Variants in CCDC39 observed in about 807,000 individuals in gnomAD.
The protein encoded by CCDC39 is coiled-coil domain 39 molecular ruler complex subunit.
In CCDC39, 113 loss-of-function variants were observed where a neutral mutation model predicts 121.0. The observed-to-expected ratio is 0.93, with a 90% CI of 0.80 to 1.09. CCDC39 has a LOEUF of 1.09. Among genes scored for constraint, CCDC39 ranks in the 50% least tolerant of loss-of-function variants. CCDC39 has a pLI of 0.00. For missense variants in CCDC39, 1,063 were observed against 1,074.7 expected, an observed-to-expected ratio of 0.99 and a Z score of 0.15; for synonymous variants, 349 against 352.2, an observed-to-expected ratio of 0.99 and a Z score of 0.10.
intron 1 of CCDC39, among the ~76,000 whole-genome samples, chr3:180,670,875 G>A (rs531509126): frequency 1.2e-3 from 176 of 152,112 alleles, no homozygotes; most frequent in African/African-American, 3.8e-3. Flanking sequence ...GCTTGCCAGC[G>A]TCCCATGTCA....
intron 1 of CCDC39, among the ~76,000 whole-genome samples, chr3:180,669,026 C>T (rs1711961452): frequency 6.6e-6 from 1 of 152,182 alleles, no homozygotes; most frequent in Non-Finnish European, 1.5e-5. Flanking sequence ...ATTTGTAATG[C>T]ACATGAAATG....
intron 12 of CCDC39, among the ~76,000 whole-genome samples, chr3:180,643,163 G>C (rs147787670): frequency 0.15 from 22,529 of 151,842 alleles, 1,841 homozygotes; most frequent in Admixed American, 0.18. Flanking sequence ...GTTTCACCAT[G>C]TTAGCCAGGA....
In CCDC39 at chr3:180,677,206, A is replaced by G. The variant is rs1463251455; in HGVS notation, c.90+2085T>C. Among the ~76,000 whole-genome samples, 2 of 111,670 alleles carry G rather than the reference A, an allele frequency of 1.8e-5. 1 individual carries two copies. The highest frequency in any genetic ancestry group is 6.5e-5 in the African/African-American group (2 of 30,740). The allele number at this position is 111,670 out of a possible 152,430, so 73.3% of individuals were successfully genotyped here. The stretch of plus-strand genomic sequence containing the variant: ...TATATATATATATATATATATATAT[A>G]TATATATATAAAATCACAGTACTAT... On this transcript the variant is annotated intron_variant, in intron 1 of 19. Transcript: ENST00000476379.
At chr3:180,651,607 C>T (rs1481691832) in intron 8 of CCDC39, 74 bp from the exon 9 acceptor site, 3 of 1,345,106 alleles carry the variant, frequency 2.2e-6, no homozygotes, top group Non-Finnish European at 3.0e-6. Flanking sequence ...AATAGTTTAT[C>T]CTAATATTTA....
chr3:180,639,094 A>G (rs980288366), intron 13 of CCDC39, among the ~76,000 whole-genome samples: 1 of 152,172 alleles, frequency 6.6e-6, no homozygotes, highest in African/African-American at 2.4e-5. Context: ...GAGTAAACAC[A>G]TGCAATGGAA....
chr3:180,619,668 G>C, intron 15 of CCDC39, 143 bp downstream of exon 15: 2 of 579,358 alleles, frequency 3.5e-6, no homozygotes, highest in Non-Finnish European at 5.8e-6. Flanking sequence ...AAAATGTCGT[G>C]GGGGGAGGAA....
In CCDC39 at chr3:180,642,055, C is replaced by G; in HGVS notation, c.1812G>C (p.Lys604Asn). The change falls in exon 13 of 20, where the codon AAG becomes AAC. Residue 604 changes from lysine to asparagine, a missense_variant. Transcript: ENST00000476379. The stretch of plus-strand genomic sequence containing the variant: ...GTGACGCAAGCATTGTTTTATGAAC[C>G]TTGATTTCTTCAGTTCGCTCTTCCA... ...TAMEERTEEI[K>N]VHKTMLASQI... 1 of 1,610,250 alleles carries G rather than the reference C, an allele frequency of 6.2e-7. No individual in the cohort carries two copies. The highest frequency in any genetic ancestry group is 8.5e-7 in the Non-Finnish European group (1 of 1,177,944).
At chr3:180,664,098 A>C (rs1161263869) in intron 1 of CCDC39, 112 bp from the exon 2 acceptor site, 2 of 905,672 alleles carry the variant, frequency 2.2e-6, no homozygotes, top group Non-Finnish European at 3.3e-6. Context: ...GTCAATTTGG[A>C]CTGCTATAAC....
Position 180,661,924 on chromosome 3 carries a change from T to C in CCDC39, c.294A>G (p.Lys98=), listed in dbSNP as rs975431618. 6.9e-6 allele frequency: 11 copies of C among 1,582,902 alleles called. No homozygotes were observed. Among genetic ancestry groups the C allele is most frequent in the African/African-American group, 2.7e-5 (2 of 74,528 alleles). ...AIAQRELGRV[K]DEIQRLENEM... is the part of the protein sequence containing the mutation. ...CATTTTCCAGCCGTTGAATTTCATC[T>C]TTCACTCGTCCCAATTCTCTTTGAG... Residue 98 remains lysine (K), a synonymous_variant, in exon 3 of 20, where the codon AAA becomes AAG. Transcript: ENST00000476379.
chr3:180,640,264 T>A (rs759698525), intron 13 of CCDC39, among the ~76,000 whole-genome samples: 6 of 152,070 alleles, frequency 3.9e-5, no homozygotes, highest in Non-Finnish European at 7.4e-5. Context: ...CTATGACAAT[T>A]GAAAGACAGG....
intron 1 of CCDC39, among the ~76,000 whole-genome samples, chr3:180,674,147 AT>A (rs1338759416): frequency 1.3e-5 from 2 of 151,860 alleles, no homozygotes; most frequent in Admixed American, 6.6e-5. Context: ...GTCCTCTTTT[AT>A]TTTGTTGAGC....
At chr3:180,652,309 A>G (rs548361326) in intron 7 of CCDC39, 43 bp from the exon 8 acceptor site, 6 of 1,136,460 alleles carry the variant, frequency 5.3e-6, no homozygotes, top group Admixed American at 6.0e-5. Flanking sequence ...TTTACTCTGT[A>G]TCTTATAACT....
At position 180,652,156 on chromosome 3, in the gene CCDC39, T is replaced by A. The variant is rs191242640; in HGVS notation, c.1034+7A>T. 13 of 1,414,194 alleles carry A rather than the reference T, an allele frequency of 9.2e-6. No homozygotes were observed. Among genetic ancestry groups the A allele is most frequent in the Middle Eastern group, 2.1e-4 (1 of 4,706 alleles). 87.6% of individuals were successfully genotyped at this position (1,414,194 alleles called of 1,614,324 possible). ...TCATAAACATATTTAGATAGTTTTT[T>A]TCTTACCTTGCTGTTTCTTCATGAA... On this transcript the variant is annotated splice_region_variant and intron_variant, in intron 8 of 19. Transcript: ENST00000476379.
intron 13 of CCDC39, among the ~76,000 whole-genome samples, chr3:180,640,034 A>G (rs974366147): frequency 1.3e-5 from 2 of 152,104 alleles, no homozygotes; most frequent in African/African-American, 4.8e-5. Flanking sequence ...ATGGATGAAA[A>G]GGAGATCAGT....
At chr3:180,664,809 G>T (rs1711832844) in intron 1 of CCDC39, among the ~76,000 whole-genome samples, 1 of 150,724 alleles carries the variant, frequency 6.6e-6, no homozygotes, top group African/African-American at 2.4e-5. Context: ...AGATTCTGCT[G>T]TCTCAGCCTC....
intron 14 of CCDC39, among the ~76,000 whole-genome samples, chr3:180,625,837 G>A (rs563398917): frequency 6.6e-6 from 1 of 151,770 alleles, no homozygotes; most frequent in South Asian, 2.1e-4. Flanking sequence ...AGGATGCCAG[G>A]TAAGCCTGTC....
In CCDC39 at chr3:180,627,028, A is replaced by G. The variant is rs1441916526; in HGVS notation, c.1998+4441T>C. On this transcript the variant is annotated intron_variant, in intron 14 of 19. Transcript: ENST00000476379. The stretch of plus-strand genomic sequence containing the variant: ...GGTTTTTCCCAGCAGTGAAAATGCT[A>G]TGGGCCCATGGCCAGAGAGGTTGTG... 4.6e-5 allele frequency among the ~76,000 whole-genome samples: 7 copies of G among 152,092 alleles called. No homozygotes were observed. The East Asian group carries it at 9.7e-4, about 21-fold the overall frequency.
At chr3:180,677,166 T>TA (rs1491509044) in intron 1 of CCDC39, among the ~76,000 whole-genome samples, 1 of 40,920 alleles carries the variant, frequency 2.4e-5, no homozygotes, top group African/African-American at 1.2e-4. Context: ...ATAATAATAA[T>TA]TTTATATATA....
intron 2 of CCDC39, among the ~76,000 whole-genome samples, chr3:180,662,395 A>G (rs147892612): frequency 0.014 from 2,129 of 152,282 alleles, 23 homozygotes; most frequent in African/African-American, 0.031. Flanking sequence ...TCTAATTAAC[A>G]GACATTATTT....
Sources: gnomAD v4.1 joint callset for allele counts (sites outside exome capture counted in the v4.1 genomes callset) on GRCh38, gnomAD v4.1.1 for gene constraint, MANE v1.5 for transcripts, NCBI Gene and HGNC (gene_info 2026-07-23, HGNC 2026-07-21) for gene names.